The following TCF24 variants were observed in gnomAD, a reference collection of about 807,000 sequenced individuals.
TCF24 encodes transcription factor 24.
A neutral mutation model predicts 9.3 loss-of-function variants in TCF24; 5 were observed. The observed-to-expected ratio is 0.54, with a 90% CI of 0.28 to 1.13. TCF24 has a LOEUF of 1.13. TCF24 is among the 50% of genes most tolerant of loss of function. The probability of loss-of-function intolerance (pLI) is 0.09; values close to 1 mark genes in which losing one functional copy is unlikely to be tolerated. For synonymous variants in TCF24, 110 were observed against 115.8 expected (o/e 0.95, Z 0.32); for missense variants, 220 against 236.1 (o/e 0.93, Z 0.45).
At chr8:66,960,851 C>T (rs1216453192) in intron 3 of TCF24, among the ~76,000 whole-genome samples, 2 of 152,222 alleles carry the variant, frequency 1.3e-5, no homozygotes, top group Non-Finnish European at 2.9e-5. Flanking sequence ...AATTTTACTC[C>T]ATAGAGATGC....
At chr8:66,958,926 T>A (rs1294172333) in intron 3 of TCF24, among the ~76,000 whole-genome samples, 3 of 152,236 alleles carry the variant, frequency 2.0e-5, no homozygotes, top group Admixed American at 6.5e-5. Flanking sequence ...CATTTCAGGC[T>A]ATGCACCAGG....
At chr8:66,959,067 C>T (rs933545195) in intron 3 of TCF24, among the ~76,000 whole-genome samples, 7 of 152,224 alleles carry the variant, frequency 4.6e-5, no homozygotes, top group African/African-American at 7.2e-5. Flanking sequence ...GCAGTCCTCT[C>T]GCATAAGCCT....
At chr8:66,950,050 G>A (rs1814031461) in intron 3 of TCF24, among the ~76,000 whole-genome samples, 1 of 124,084 alleles carries the variant, frequency 8.1e-6, no homozygotes, top group South Asian at 3.1e-4. Context: ...CTCCCATTTT[G>A]TAGGTTGCCT....
In TCF24 at chr8:66,961,751, G is replaced by A; in HGVS notation, c.15C>T (p.Arg5=). Reference sequence around the variant, plus strand: ...TGGCGCTGAGGGGGCTGCCCGCTGGGCGGCCGCGGTCCATGGCAGCTTCCC... The same window carrying A: ...TGGCGCTGAGGGGGCTGCCCGCTGGACGGCCGCGGTCCATGGCAGCTTCCC... MDRG[R]PAGSPLSASA... The change falls in exon 3 of 4, where the codon CGC becomes CGT. Residue 5 remains arginine, a synonymous_variant. Coordinates refer to ENST00000563496, the MANE Select transcript of TCF24 (RefSeq NM_001193502.2). 9.0e-7 allele frequency: 1 copy of A among 1,108,060 alleles called. No individual in the cohort carries two copies. Among genetic ancestry groups the A allele is most frequent in the Non-Finnish European group, 1.1e-6 (1 of 909,106 alleles). 68.6% of individuals were successfully genotyped at this position (1,108,060 alleles called of 1,614,324 possible).
At chr8:66,957,895 TA>T (rs11299517) in intron 3 of TCF24, among the ~76,000 whole-genome samples, 13,497 of 43,010 alleles carry the variant, frequency 0.31, 268 homozygotes, top group African/African-American at 0.42. Context: ...TAAGAATTGC[TA>T]AAAAAAAAAA....
intron 3 of TCF24, among the ~76,000 whole-genome samples, chr8:66,953,487 C>T (rs1244022721): frequency 6.6e-6 from 1 of 152,070 alleles, no homozygotes; most frequent in Non-Finnish European, 1.5e-5. Flanking sequence ...ATGGGCTTCC[C>T]TTTGAGGGTA....
In TCF24 at chr8:66,961,462, T is replaced by A; in HGVS notation, c.304A>T (p.Thr102Ser). ...LLATTYIAHLTRSLQDDAEAP... is the reference protein window; with the variant it reads ...LLATTYIAHLSRSLQDDAEAP... The stretch of plus-strand genomic sequence containing the variant: ...TCGGCGTCGTCCTGCAGGCTGCGGG[T>A]GAGATGCGCGATGTAGGTGGTGGCC... The change falls in exon 3 of 4, where the codon ACC (threonine) becomes TCC (serine). Residue 102 changes from threonine (T) to serine (S), a missense_variant. Thr to Ser is a moderately conservative substitution (Grantham distance 58). Transcript: ENST00000563496. 1 of 1,527,884 alleles carries A rather than the reference T, an allele frequency of 6.5e-7. No homozygotes were observed. Among genetic ancestry groups the A allele is most frequent in the South Asian group, 1.2e-5 (1 of 83,084 alleles). 94.6% of individuals were successfully genotyped at this position (1,527,884 alleles called of 1,614,324 possible). A position where few individuals can be genotyped will look rare whatever the true frequency, so the allele number is the denominator to read the frequency against.
intron 3 of TCF24, 128 bp downstream of exon 3, chr8:66,961,248 G>A (rs1362601812): frequency 3.0e-5 from 37 of 1,244,778 alleles, no homozygotes; most frequent in Admixed American, 4.1e-5. Context: ...GGCCGAGGTC[G>A]TTCTCCCGGT....
At chr8:66,958,958 A>G (rs1814212229) in intron 3 of TCF24, among the ~76,000 whole-genome samples, 1 of 152,164 alleles carries the variant, frequency 6.6e-6, no homozygotes, top group Non-Finnish European at 1.5e-5. Flanking sequence ...TTAAACTTCC[A>G]GTTTCATTTG....
intron 3 of TCF24, chr8:66,955,057 C>G (rs1008287070): frequency 6.3e-6 from 1 of 157,512 alleles, no homozygotes; most frequent in Non-Finnish European, 1.4e-5. Flanking sequence ...CCGTCTTCTG[C>G]GTCGCTCACG....
chr8:66,961,353 C>T lies in TCF24; in HGVS notation c.390+23G>A. 2.1e-6 allele frequency: 3 copies of T among 1,434,874 alleles called. No individual in the cohort carries two copies. The South Asian group carries it at 4.3e-5, about 21-fold the overall frequency. 88.9% of individuals were successfully genotyped at this position (1,434,874 alleles called of 1,614,324 possible). A position where few individuals can be genotyped will look rare whatever the true frequency, so the allele number is the denominator to read the frequency against. On this transcript the variant is annotated intron_variant, in intron 3 of 3. Coordinates refer to ENST00000563496, the MANE Select transcript of TCF24 (RefSeq NM_001193502.2). Reference sequence around the variant, plus strand: ...GGTGTCCTGGTCTCGGCCCCAGCCCCGCGGTGCGCCCCGCCCGCTTACCTT... The same window carrying T: ...GGTGTCCTGGTCTCGGCCCCAGCCCTGCGGTGCGCCCCGCCCGCTTACCTT...
At chr8:66,961,354 G>A in intron 3 of TCF24, 22 bp downstream of exon 3, 1 of 1,434,676 alleles carries the variant, frequency 7.0e-7, no homozygotes, top group Non-Finnish European at 9.1e-7. Context: ...CCCCAGCCCC[G>A]CGGTGCGCCC....
chr8:66,951,506 G>A lies in TCF24; in HGVS notation c.391-3342C>T, dbSNP rs550717007. Among the ~76,000 whole-genome samples, 7 of 151,958 alleles carry A rather than the reference G, an allele frequency of 4.6e-5. No homozygotes were observed. In the South Asian group the frequency reaches 1.5e-3, roughly 32 times the overall value. On this transcript the variant is annotated intron_variant, in intron 3 of 3. Transcript: ENST00000563496. ...GGATTCGTTTTGCCAGTATTTTATT[G>A]AGGATTTTTGCATCAATGTTCATCA... is the stretch of plus-strand genomic sequence containing the variant.
chr8:66,953,877 G>C (rs1421681121), intron 3 of TCF24, among the ~76,000 whole-genome samples: 12 of 151,784 alleles, frequency 7.9e-5, no homozygotes, highest in South Asian at 2.1e-4. Context: ...CTTTCTTCCA[G>C]TTGATCGCAT....
rs746423718 is a variant in TCF24 at position 66,947,922 on chromosome 8, A to C, written c.*129T>G. On this transcript the variant is annotated 3_prime_UTR_variant, in exon 4 of 4. Coordinates refer to ENST00000563496, the MANE Select transcript of TCF24 (RefSeq NM_001193502.2). ...TCCACATTTAGACAGATAAACCTGAACATCCAACTATGGGTTCACATGTAA... is the reference window on the plus strand; with the variant it reads ...TCCACATTTAGACAGATAAACCTGACCATCCAACTATGGGTTCACATGTAA... 1.6e-5 allele frequency: 10 copies of C among 609,990 alleles called. No homozygotes were observed. The highest frequency in any genetic ancestry group is 2.7e-5 in the Non-Finnish European group (10 of 365,998). The allele number at this position is 609,990 out of a possible 1,614,324, so 37.8% of individuals were successfully genotyped here.
At chr8:66,959,547 T>C (rs1814221514) in intron 3 of TCF24, among the ~76,000 whole-genome samples, 1 of 152,248 alleles carries the variant, frequency 6.6e-6, no homozygotes, top group South Asian at 2.1e-4. Context: ...AGTTCTTTTA[T>C]GGAAAATATA....
chr8:66,961,501 C>CCAGCTTGGA lies in TCF24; in HGVS notation c.256_264dup (p.Ser86_Leu88dup). On this transcript the variant is annotated inframe_insertion, in exon 3 of 4. Coordinates refer to ENST00000563496, the MANE Select transcript of TCF24 (RefSeq NM_001193502.2). ...TAGGTGGTGGCCAGCAGCAGCACGT[C>CCAGCTTGGA]CAGCTTGGACAGCTTGGTGTCGGGC... 2.0e-6 allele frequency: 3 copies of CCAGCTTGGA among 1,524,306 alleles called. No individual in the cohort carries two copies. The highest frequency in any genetic ancestry group is 2.6e-6 in the Non-Finnish European group (3 of 1,142,530). The allele number at this position is 1,524,306 out of a possible 1,614,324, so 94.4% of individuals were successfully genotyped here. A position where few individuals can be genotyped will look rare whatever the true frequency, so the allele number is the denominator to read the frequency against.
chr8:66,954,113 A>G (rs1404648429), intron 3 of TCF24, among the ~76,000 whole-genome samples: 2 of 152,356 alleles, frequency 1.3e-5, no homozygotes, highest in Non-Finnish European at 2.9e-5. Context: ...GTCATTCTCC[A>G]TCCAGCTTTG....
chr8:66,957,185 G>A (rs1439687888), intron 3 of TCF24, among the ~76,000 whole-genome samples: 1 of 150,646 alleles, frequency 6.6e-6, no homozygotes. Flanking sequence ...GGGAGGCCGA[G>A]GTGGGTGGAT....
Sources: gnomAD v4.1 joint callset for allele counts (sites outside exome capture counted in the v4.1 genomes callset) on GRCh38, gnomAD v4.1.1 for gene constraint, MANE v1.5 for transcripts, NCBI Gene and HGNC (gene_info 2026-07-23, HGNC 2026-07-21) for gene names.